DPP10: variants seen among roughly 807,000 people sequenced by gnomAD.
DPP10 encodes the protein inactive dipeptidyl peptidase 10.
DPP10 carries 33 observed loss-of-function variants against 120.9 expected under a neutral mutation model. That is an observed-to-expected ratio of 0.27 (90% CI 0.21 to 0.37). The LOEUF is 0.37. Ranked by LOEUF, DPP10 falls within the 10% of genes least tolerant of loss-of-function variation. The pLI is 1.00. For missense variants in DPP10, 816 were observed against 942.8 expected, an observed-to-expected ratio of 0.87 and a Z score of 1.76; for synonymous variants, 337 against 326.1, an observed-to-expected ratio of 1.03 and a Z score of -0.36.
At chr2:115,034,292 C>A (rs1470939536) in intron 1 of DPP10, among the ~76,000 whole-genome samples, 1 of 152,058 alleles carries the variant, frequency 6.6e-6, no homozygotes, top group Non-Finnish European at 1.5e-5. Flanking sequence ...TGTCCTCTCT[C>A]TCCCCTTAAG....
chr2:114,748,538 T>A (rs1196780657), intron 1 of DPP10, among the ~76,000 whole-genome samples: 1 of 120,336 alleles, frequency 8.3e-6, no homozygotes, highest in Non-Finnish European at 1.7e-5. Flanking sequence ...TATCTCCCAA[T>A]GCTATCCCTC....
chr2:115,754,172 A>C (rs1334548778), intron 11 of DPP10, among the ~76,000 whole-genome samples: 1 of 152,238 alleles, frequency 6.6e-6, no homozygotes, highest in East Asian at 1.9e-4. Context: ...CAAGCAAAGC[A>C]AAAAGATTTT....
At chr2:115,787,049 C>G (rs568494712) in intron 17 of DPP10, among the ~76,000 whole-genome samples, 68 of 152,272 alleles carry the variant, frequency 4.5e-4, no homozygotes, top group African/African-American at 1.3e-3. Flanking sequence ...TAGTGCTAAA[C>G]TAGCCATAGA....
chr2:114,823,279 C>T (rs1686250355), intron 1 of DPP10, among the ~76,000 whole-genome samples: 1 of 152,020 alleles, frequency 6.6e-6, no homozygotes, highest in African/African-American at 2.4e-5. Flanking sequence ...AAACGGGAAG[C>T]CCTTTGTAAA....
intron 1 of DPP10, among the ~76,000 whole-genome samples, chr2:114,551,694 G>GT (rs1456991650): frequency 1.3e-5 from 2 of 152,140 alleles, no homozygotes; most frequent in Non-Finnish European, 2.9e-5. Context: ...GTCCCTTGTA[G>GT]TGGACCCCTT....
intron 4 of DPP10, among the ~76,000 whole-genome samples, chr2:115,508,211 C>G (rs34230284): frequency 6.6e-6 from 1 of 151,908 alleles, no homozygotes; most frequent in Non-Finnish European, 1.5e-5. Flanking sequence ...AGAACATAGA[C>G]ATGCAATCCA....
chr2:115,317,921 T>C (rs2061874459), intron 2 of DPP10, among the ~76,000 whole-genome samples: 1 of 152,154 alleles, frequency 6.6e-6, no homozygotes, highest in Admixed American at 6.6e-5. Context: ...GGTTGTCTCT[T>C]TACTTTCATA....
chr2:115,463,736 T>C (rs1015499170), intron 3 of DPP10, among the ~76,000 whole-genome samples: 3 of 152,186 alleles, frequency 2.0e-5, no homozygotes, highest in Non-Finnish European at 2.9e-5. Context: ...GTGCTGACTT[T>C]CTTGGTTAAA....
At chr2:115,584,786 G>A (rs1249206405) in intron 5 of DPP10, among the ~76,000 whole-genome samples, 2 of 152,132 alleles carry the variant, frequency 1.3e-5, no homozygotes, top group Non-Finnish European at 2.9e-5. Flanking sequence ...CCATGAGAAT[G>A]GTTCTTACTA....
At chr2:115,148,306 G>A (rs2051343128) in intron 1 of DPP10, among the ~76,000 whole-genome samples, 1 of 152,122 alleles carries the variant, frequency 6.6e-6, no homozygotes. Context: ...CAGAATGCAG[G>A]CTAAGTTGAT....
chr2:115,451,961 G>T (rs952095000), intron 3 of DPP10, among the ~76,000 whole-genome samples: 1 of 151,798 alleles, frequency 6.6e-6, no homozygotes, highest in Non-Finnish European at 1.5e-5. Flanking sequence ...CCCCCAAAAT[G>T]GAACTGGATA....
At chr2:114,687,272 G>A (rs777468987) in intron 1 of DPP10, among the ~76,000 whole-genome samples, 2 of 151,820 alleles carry the variant, frequency 1.3e-5, no homozygotes, top group Admixed American at 6.6e-5. Flanking sequence ...TGCACCTGAG[G>A]GGGTCTTTAG....
intron 1 of DPP10, among the ~76,000 whole-genome samples, chr2:114,746,905 C>G (rs1025643686): frequency 6.6e-6 from 1 of 152,154 alleles, no homozygotes; most frequent in African/African-American, 2.4e-5. Context: ...AAAAACAAAA[C>G]CTGTCAATGA....
At chr2:114,826,668 T>C (rs533068919) in intron 1 of DPP10, among the ~76,000 whole-genome samples, 1 of 152,178 alleles carries the variant, frequency 6.6e-6, no homozygotes, top group East Asian at 1.9e-4. Flanking sequence ...CTAGCTGGGA[T>C]TACAGGAGCA....
chr2:115,138,929 T>A (rs1292808392), intron 1 of DPP10, among the ~76,000 whole-genome samples: 3 of 152,126 alleles, frequency 2.0e-5, no homozygotes, highest in Admixed American at 2.0e-4. Flanking sequence ...CTGGGCAAAA[T>A]GTCTTTAAAA....
At chr2:115,668,873 G>A (rs750227422) in intron 5 of DPP10, among the ~76,000 whole-genome samples, 1 of 152,092 alleles carries the variant, frequency 6.6e-6, no homozygotes, top group Non-Finnish European at 1.5e-5. Flanking sequence ...GCCTTAGGTA[G>A]GAAAGTATGT....
chr2:115,712,706 G>C (rs575264922), intron 7 of DPP10, among the ~76,000 whole-genome samples: 5 of 150,512 alleles, frequency 3.3e-5, no homozygotes, highest in African/African-American at 4.9e-5. Flanking sequence ...CCAAAGTTAT[G>C]TAGGTGCTTC....
At chr2:115,275,520 T>G (rs1354442554) in intron 1 of DPP10, among the ~76,000 whole-genome samples, 2 of 152,124 alleles carry the variant, frequency 1.3e-5, no homozygotes, top group Admixed American at 1.3e-4. Context: ...TTTAAGGGAC[T>G]TTTCCAAGTT....
chr2:115,438,535 A>T (rs1281000588), intron 3 of DPP10, among the ~76,000 whole-genome samples: 1 of 152,224 alleles, frequency 6.6e-6, no homozygotes, highest in Non-Finnish European at 1.5e-5. Flanking sequence ...AATGTGGTAT[A>T]TACATGCAAT....
Sources: allele counts gnomAD v4.1 joint callset (sites outside exome capture counted in the v4.1 genomes callset), GRCh38; gene constraint gnomAD v4.1.1; transcripts MANE v1.5; gene names NCBI Gene and HGNC (gene_info 2026-07-23, HGNC 2026-07-21).